SRBD1: variants seen among roughly 807,000 people sequenced by gnomAD.
SRBD1 encodes the protein S1 RNA-binding domain-containing protein 1.
In SRBD1, 88 loss-of-function variants were observed where a neutral mutation model predicts 115.3. The ratio of observed to expected loss-of-function variants is 0.76; its 90% confidence interval spans 0.64 to 0.91. The LOEUF (loss-of-function observed/expected upper bound fraction) is 0.91. Among genes scored for constraint, SRBD1 ranks in the 40% least tolerant of loss-of-function variants. SRBD1 has a pLI of 0.00. For missense variants in SRBD1, 1,385 were observed against 1,177.4 expected, an observed-to-expected ratio of 1.18 and a Z score of -2.58; for synonymous variants, 509 against 407.7, an observed-to-expected ratio of 1.25 and a Z score of -2.99.
chr2:45,500,113 C>T, intron 14 of SRBD1, among the ~76,000 whole-genome samples: 1 of 152,054 alleles, frequency 6.6e-6, no homozygotes, highest in East Asian at 1.9e-4. Context: ...AATATTAATC[C>T]TCCCAATCTA....
intron 1 of SRBD1, among the ~76,000 whole-genome samples, chr2:45,609,938 G>A (rs1558511983): frequency 6.6e-6 from 1 of 152,158 alleles, no homozygotes; most frequent in Non-Finnish European, 1.5e-5. Context: ...GCACTTAACA[G>A]ATGCCCTACA....
At chr2:45,405,288 G>C in intron 19 of SRBD1, among the ~76,000 whole-genome samples, 1 of 152,170 alleles carries the variant, frequency 6.6e-6, no homozygotes, top group Middle Eastern at 3.2e-3. Flanking sequence ...AATGGAAAGA[G>C]ATTCATGCCA....
chr2:45,538,305 A>C (rs565258229), intron 14 of SRBD1, among the ~76,000 whole-genome samples: 1 of 152,344 alleles, frequency 6.6e-6, no homozygotes, highest in East Asian at 1.9e-4. Flanking sequence ...CCACTTCCTA[A>C]GACCATGCTC....
intron 1 of SRBD1, among the ~76,000 whole-genome samples, chr2:45,607,171 A>G (rs1674298896): frequency 6.6e-6 from 1 of 152,230 alleles, no homozygotes. Context: ...TATTTTTTAG[A>G]CATTGATCAT....
chr2:45,447,033 A>G (rs962385706), intron 16 of SRBD1: 1 of 152,208 alleles, frequency 6.6e-6, no homozygotes, highest in Non-Finnish European at 1.5e-5. Context: ...TTTTCTATGT[A>G]CTACTAGTGT....
intron 14 of SRBD1, chr2:45,546,321 G>T (rs1258711228): frequency 1.0e-6 from 1 of 985,274 alleles, no homozygotes; most frequent in Non-Finnish European, 1.2e-6. Flanking sequence ...ACTTACCTTG[G>T]CTCTCAGTTC....
Position 45,582,567 on chromosome 2 carries a change from A to C in SRBD1, c.816-757T>G, listed in dbSNP as rs73927561. Among the ~76,000 whole-genome samples, 1,440 of 152,272 alleles carry C rather than the reference A, an allele frequency of 9.5e-3. 16 individuals are homozygous for C. The highest frequency in any genetic ancestry group is 0.027 in the Middle Eastern group (8 of 294). On this transcript the variant is annotated intron_variant, in intron 5 of 20. Transcript: ENST00000263736. ...TTTGAATTTATTCACTGATTTATTT[A>C]TATCACTATAGATTTAATGGTTTTT...
chr2:45,473,437 T>C (rs1669710402), intron 16 of SRBD1, among the ~76,000 whole-genome samples: 1 of 152,198 alleles, frequency 6.6e-6, no homozygotes, highest in Non-Finnish European at 1.5e-5. Context: ...GTTTCCCATG[T>C]TATGTCTTTC....
intron 16 of SRBD1, among the ~76,000 whole-genome samples, chr2:45,473,445 T>C (rs1463675551): frequency 6.6e-6 from 1 of 152,214 alleles, no homozygotes; most frequent in Non-Finnish European, 1.5e-5. Flanking sequence ...TGTTATGTCT[T>C]TCCCTTCTTT....
chr2:45,598,219 G>A (rs755324890), intron 4 of SRBD1, among the ~76,000 whole-genome samples: 7 of 152,174 alleles, frequency 4.6e-5, no homozygotes, highest in Non-Finnish European at 8.8e-5. Flanking sequence ...GTTTTTCCAA[G>A]ATACCTTGGA....
At chr2:45,556,169 C>G (rs1572771782) in intron 10 of SRBD1, among the ~76,000 whole-genome samples, 1 of 152,120 alleles carries the variant, frequency 6.6e-6, no homozygotes, top group Admixed American at 6.6e-5. Context: ...ATACATCCTT[C>G]CTTCCACCTA....
intron 16 of SRBD1, among the ~76,000 whole-genome samples, chr2:45,437,819 T>C (rs1329466993): frequency 1.3e-5 from 2 of 152,102 alleles, no homozygotes; most frequent in Non-Finnish European, 2.9e-5. Context: ...GGCAATAACA[T>C]AGGAGAAAAT....
At chr2:45,568,416 G>C (rs1268932462) in intron 9 of SRBD1, among the ~76,000 whole-genome samples, 2 of 152,174 alleles carry the variant, frequency 1.3e-5, no homozygotes, top group African/African-American at 4.8e-5. Context: ...TCAGATTTAG[G>C]ACATGAGGTC....
At chr2:45,428,470 G>C (rs1362469442) in intron 16 of SRBD1, among the ~76,000 whole-genome samples, 1 of 152,062 alleles carries the variant, frequency 6.6e-6, no homozygotes, top group African/African-American at 2.4e-5. Flanking sequence ...AGAATGGCGT[G>C]AACCCGGGAG....
chr2:45,558,952 G>A (rs1463491160), intron 10 of SRBD1, among the ~76,000 whole-genome samples: 1 of 152,004 alleles, frequency 6.6e-6, no homozygotes, highest in African/African-American at 2.4e-5. Context: ...CTCTCACCTT[G>A]GTCTCCCAAA....
chr2:45,415,399 T>C (rs1008969276), intron 18 of SRBD1, among the ~76,000 whole-genome samples: 3 of 107,926 alleles, frequency 2.8e-5, no homozygotes, highest in South Asian at 6.2e-4. Flanking sequence ...ATATAGTATG[T>C]ATATACACAC....
chr2:45,580,290 C>T (rs1053827728), intron 6 of SRBD1, among the ~76,000 whole-genome samples: 1 of 152,070 alleles, frequency 6.6e-6, no homozygotes, highest in African/African-American at 2.4e-5. Flanking sequence ...AAGTCCTCAA[C>T]TCAAGCAAGC....
At chr2:45,390,771 T>C (rs967696822) in intron 20 of SRBD1, among the ~76,000 whole-genome samples, 2 of 152,226 alleles carry the variant, frequency 1.3e-5, no homozygotes, top group African/African-American at 4.8e-5. Flanking sequence ...CCAACCATAC[T>C]GATACCAAGA....
intron 14 of SRBD1, among the ~76,000 whole-genome samples, chr2:45,493,610 A>G (rs1399208503): frequency 6.6e-6 from 1 of 152,056 alleles, no homozygotes; most frequent in African/African-American, 2.4e-5. Flanking sequence ...CAGGAGTTCA[A>G]GACCAGCCTG....
Sources: gnomAD v4.1 joint callset for allele counts (sites outside exome capture counted in the v4.1 genomes callset) on GRCh38, gnomAD v4.1.1 for gene constraint, MANE v1.5 for transcripts, NCBI Gene and HGNC (gene_info 2026-07-23, HGNC 2026-07-21) for gene names.